DTNA: variants seen among roughly 807,000 people sequenced by gnomAD.
DTNA encodes dystrobrevin alpha.
In DTNA, 43 loss-of-function variants were observed where a neutral mutation model predicts 100.7. The observed-to-expected ratio is 0.43, with a 90% CI of 0.33 to 0.55. The LOEUF is 0.55. Among genes scored for constraint, DTNA ranks in the 20% least tolerant of loss-of-function variants. DTNA has a pLI of 0.04. For synonymous variants in DTNA, 349 were observed against 347.9 expected (o/e 1.00, Z -0.04); for missense variants, 798 against 953.9 (o/e 0.84, Z 2.15).
intron 3 of DTNA, among the ~76,000 whole-genome samples, chr18:34,781,668 A>C (rs1247564344): frequency 6.6e-6 from 1 of 152,138 alleles, no homozygotes; most frequent in African/African-American, 2.4e-5. Context: ...TGCACTAGGG[A>C]GCTGGGCCAC....
chr18:34,780,669 T>C (rs1224129196), intron 3 of DTNA, among the ~76,000 whole-genome samples: 4 of 152,202 alleles, frequency 2.6e-5, no homozygotes. Context: ...TCTCATTTAT[T>C]GTTCTGGGAG....
chr18:34,568,313 A>ATT (rs1568672118), intron 1 of DTNA, among the ~76,000 whole-genome samples: 1 of 152,210 alleles, frequency 6.6e-6, no homozygotes, highest in African/African-American at 2.4e-5. Context: ...TTGTCAAGGC[A>ATT]TTCTGGCGTT....
chr18:34,567,615 G>C (rs1296502440), intron 1 of DTNA, among the ~76,000 whole-genome samples: 1 of 151,794 alleles, frequency 6.6e-6, no homozygotes, highest in African/African-American at 2.4e-5. Flanking sequence ...TATAAACTTA[G>C]AACTAACATC....
intron 17 of DTNA, among the ~76,000 whole-genome samples, chr18:34,874,492 G>A (rs1010531862): frequency 6.6e-6 from 1 of 152,174 alleles, no homozygotes; most frequent in Non-Finnish European, 1.5e-5. Flanking sequence ...GCAAAGATAA[G>A]TTCCTTCAGT....
Position 34,888,896 on chromosome 18 carries a change from C to T in DTNA, c.*1162C>T, listed in dbSNP as rs553299710. 55 of 985,886 alleles carry T rather than the reference C, an allele frequency of 5.6e-5. No homozygotes were observed. The African/African-American group carries it at 8.7e-4, about 16-fold the overall frequency. 61.1% of individuals were successfully genotyped at this position (985,886 alleles called of 1,614,324 possible). The stretch of plus-strand genomic sequence containing the variant: ...AATGTTGATTGCCTTAGCTGGCCAC[C>T]TGGTGTTCTGCATGTAGCCTTCTGT... On this transcript the variant is annotated 3_prime_UTR_variant, in exon 23 of 23. Transcript: ENST00000444659.
intron 6 of DTNA, among the ~76,000 whole-genome samples, chr18:34,812,490 C>G (rs1238092273): frequency 6.6e-6 from 1 of 152,196 alleles, no homozygotes; most frequent in East Asian, 1.9e-4. Context: ...AGGAAACTTA[C>G]AATCCTGGTG....
chr18:34,765,902 A>G (rs2093441124), intron 2 of DTNA, 59 bp from the exon 3 acceptor site: 1 of 1,537,416 alleles, frequency 6.5e-7, no homozygotes, highest in African/African-American at 1.4e-5. Flanking sequence ...ATTTGTAAAC[A>G]TTGTAAATTT....
chr18:34,762,348 G>C (rs918568768), intron 2 of DTNA, among the ~76,000 whole-genome samples: 1 of 152,176 alleles, frequency 6.6e-6, no homozygotes, highest in African/African-American at 2.4e-5. Flanking sequence ...ATTTATGGGG[G>C]ATGTCATGAC....
chr18:34,553,506 G>A (rs2045683733), intron 1 of DTNA, among the ~76,000 whole-genome samples: 2 of 151,926 alleles, frequency 1.3e-5, no homozygotes. Context: ...GGTTTTTATG[G>A]TTTTAGGTCT....
At chr18:34,879,900 CT>C (rs1319115021) in intron 20 of DTNA, among the ~76,000 whole-genome samples, 181 bp downstream of exon 20, 1 of 152,098 alleles carries the variant, frequency 6.6e-6, no homozygotes, top group Non-Finnish European at 1.5e-5. Flanking sequence ...AATATTTCCC[CT>C]CTTACAATTT....
At chr18:34,691,657 G>C (rs2079783746) in intron 1 of DTNA, among the ~76,000 whole-genome samples, 1 of 152,094 alleles carries the variant, frequency 6.6e-6, no homozygotes, top group Non-Finnish European at 1.5e-5. Flanking sequence ...GCCTACCTTT[G>C]CTTCCCATCA....
chr18:34,527,933 A>T (rs2145410899), intron 1 of DTNA, among the ~76,000 whole-genome samples: 1 of 152,242 alleles, frequency 6.6e-6, no homozygotes, highest in Non-Finnish European at 1.5e-5. Flanking sequence ...TCTATTGTCC[A>T]TTGAAAGTGC....
intron 1 of DTNA, among the ~76,000 whole-genome samples, chr18:34,717,986 A>G (rs1391252268): frequency 6.6e-6 from 1 of 152,232 alleles, no homozygotes. Context: ...TGAAAGTAGA[A>G]TTTAAAAAGA....
chr18:34,736,076 G>C (rs2089516569), intron 1 of DTNA, among the ~76,000 whole-genome samples: 1 of 152,196 alleles, frequency 6.6e-6, no homozygotes, highest in Non-Finnish European at 1.5e-5. Context: ...TCTATACCAT[G>C]AAGTTGGAAA....
upstream of DTNA, among the ~76,000 whole-genome samples, chr18:34,709,804 T>C (rs139470537): frequency 1.7e-3 from 256 of 152,334 alleles, no homozygotes; most frequent in African/African-American, 6.1e-3. Flanking sequence ...AGAAGTTTGC[T>C]CTAGAAAAAA....
chr18:34,602,877 C>T (rs2052217990), intron 1 of DTNA, among the ~76,000 whole-genome samples: 1 of 151,650 alleles, frequency 6.6e-6, no homozygotes, highest in Non-Finnish European at 1.5e-5. Flanking sequence ...GTGGCAGGCA[C>T]CTGTAATGCT....
At chr18:34,787,192 C>T (rs2094538295) in intron 3 of DTNA, among the ~76,000 whole-genome samples, 1 of 152,112 alleles carries the variant, frequency 6.6e-6, no homozygotes, top group Non-Finnish European at 1.5e-5. Context: ...ATGACTAAAG[C>T]TAAGTCACTA....
chr18:34,641,963 A>C (rs1424255437), intron 1 of DTNA, among the ~76,000 whole-genome samples: 1 of 152,210 alleles, frequency 6.6e-6, no homozygotes, highest in African/African-American at 2.4e-5. Context: ...AGCATAACCC[A>C]CCAAATAGGC....
intron 1 of DTNA, among the ~76,000 whole-genome samples, chr18:34,725,740 A>G (rs1030522901): frequency 1.3e-5 from 2 of 152,204 alleles, no homozygotes; most frequent in African/African-American, 4.8e-5. Flanking sequence ...CAACAATCCC[A>G]TTACTGGGTA....
Sources: allele counts gnomAD v4.1 joint callset (sites outside exome capture counted in the v4.1 genomes callset), GRCh38; gene constraint gnomAD v4.1.1; transcripts MANE v1.5; gene names NCBI Gene and HGNC (gene_info 2026-07-23, HGNC 2026-07-21).